THSD7A: variants seen among roughly 807,000 people sequenced by gnomAD.
THSD7A encodes thrombospondin type 1 domain containing 7A, also known as thrombospondin type-1 domain-containing protein 7A.
A neutral mutation model predicts 231.3 loss-of-function variants in THSD7A; 96 were observed. That is an observed-to-expected ratio of 0.41 (90% CI 0.35 to 0.49). The LOEUF (loss-of-function observed/expected upper bound fraction) is 0.49. THSD7A is among the 20% of genes least tolerant of loss of function. THSD7A has a pLI of 0.05. For synonymous variants in THSD7A, 940 were observed against 743.3 expected (o/e 1.26, Z -4.30); for missense variants, 2,290 against 2,070.2 (o/e 1.11, Z -2.06).
At chr7:11,435,430 T>C (rs113313368) in intron 13 of THSD7A, among the ~76,000 whole-genome samples, 1 of 151,988 alleles carries the variant, frequency 6.6e-6, no homozygotes, top group African/African-American at 2.4e-5. Flanking sequence ...GATTAGAGAG[T>C]TGGAGCTTTG....
intron 1 of THSD7A, among the ~76,000 whole-genome samples, chr7:11,761,602 G>A (rs1011020266): frequency 2.0e-5 from 3 of 152,244 alleles, no homozygotes; most frequent in Admixed American, 2.0e-4. Flanking sequence ...GTGAATGACA[G>A]TTTGTAGTAC....
chr7:11,461,869 T>A (rs537186155), intron 10 of THSD7A, 142 bp downstream of exon 10: 1 of 1,052,484 alleles, frequency 9.5e-7, no homozygotes, highest in African/African-American at 1.6e-5. Context: ...GAGACAAGAA[T>A]GGCAGCTACA....
intron 1 of THSD7A, among the ~76,000 whole-genome samples, chr7:11,809,292 G>C (rs1784470354): frequency 6.6e-6 from 1 of 152,174 alleles, no homozygotes; most frequent in Non-Finnish European, 1.5e-5. Context: ...TTAAAGTGCT[G>C]ACATAAGTCA....
Position 11,446,506 on chromosome 7 carries a change from T to A in THSD7A, c.2801-182A>T, listed in dbSNP as rs540463743. On this transcript the variant is annotated intron_variant, in intron 12 of 27. Coordinates refer to ENST00000423059, the MANE Select transcript of THSD7A (RefSeq NM_015204.3). This position sits in a 1 kb window ranked among gnomAD's most constrained non-coding sequence, Gnocchi z 4.0. ...TTTTCTACATAGGCTCCTGTTGGTATTGGGTGCTTTGCATAGTAAAATTTG... is the reference window on the plus strand; with the variant it reads ...TTTTCTACATAGGCTCCTGTTGGTAATGGGTGCTTTGCATAGTAAAATTTG... Among the ~76,000 whole-genome samples the A allele has an allele frequency of 6.6e-6, 1 of 152,160 alleles. No homozygotes were observed. The highest frequency in any genetic ancestry group is 1.5e-5 in the Non-Finnish European group (1 of 68,018).
At chr7:11,382,444 CT>C (rs1782554603) in intron 24 of THSD7A, 76 bp downstream of exon 24, 2 of 1,218,566 alleles carry the variant, frequency 1.6e-6, no homozygotes, top group African/African-American at 1.5e-5. Flanking sequence ...ACTTTGTTTC[CT>C]TAATTATTTT....
At chr7:11,553,325 A>C (rs1388840600) in intron 4 of THSD7A, among the ~76,000 whole-genome samples, 2 of 152,096 alleles carry the variant, frequency 1.3e-5, no homozygotes, top group African/African-American at 4.8e-5. Context: ...GTTTTCTTGA[A>C]ATAGAGTACA....
Position 11,593,338 on chromosome 7 carries a change from G to T in THSD7A, c.1187C>A (p.Pro396His), listed in dbSNP as rs768763179. 6.2e-7 allele frequency: 1 copy of T among 1,613,874 alleles called. No individual in the cohort carries two copies. The highest frequency in any genetic ancestry group is 8.5e-7 in the Non-Finnish European group (1 of 1,179,902). ...TGGACACTCCTTTTCACTGCCAATGGGAAACTGCCTGATGGTTCGTGTCCT... is the reference window on the plus strand; with the variant it reads ...TGGACACTCCTTTTCACTGCCAATGTGAAACTGCCTGATGGTTCGTGTCCT... Reference protein sequence around the residue: ...RVRTRTIRQFPIGSEKECPEF... With the variant: ...RVRTRTIRQFHIGSEKECPEF... Residue 396 changes from proline to histidine, a missense_variant, in exon 3 of 28, where the codon CCC becomes CAC. By Grantham distance (77) the Pro-to-His change is moderately conservative. Coordinates refer to ENST00000423059, the MANE Select transcript of THSD7A (RefSeq NM_015204.3).
intron 1 of THSD7A, among the ~76,000 whole-genome samples, chr7:11,735,506 T>C (rs1781885688): frequency 6.6e-6 from 1 of 151,932 alleles, no homozygotes; most frequent in African/African-American, 2.4e-5. Context: ...ATATGAAACA[T>C]AAATAATTTT....
chr7:11,460,749 A>C lies in THSD7A; in HGVS notation c.2518T>G (p.Trp840Gly). The C allele has an allele frequency of 6.2e-7, 1 of 1,612,102 alleles. No individual in the cohort carries two copies. Among genetic ancestry groups the C allele is most frequent in the South Asian group, 1.1e-5 (1 of 90,552 alleles). ...CAAGGGACTAATTGGCATCTGCGCC[A>C]TTTGTGAGTCTTCCACCTACAAGAC... is the stretch of plus-strand genomic sequence containing the variant. ...CQSYRWKTHK[W>G]RRCQLVPWSV... The change falls in exon 11 of 28, where the codon TGG (tryptophan) becomes GGG (glycine). Residue 840 changes from tryptophan to glycine, a missense_variant. Trp to Gly is a radical substitution (Grantham distance 184). Transcript: ENST00000423059.
At chr7:11,812,497 G>T (rs1315842869) in intron 1 of THSD7A, among the ~76,000 whole-genome samples, 2 of 152,112 alleles carry the variant, frequency 1.3e-5, no homozygotes, top group East Asian at 3.9e-4. Context: ...CAAAAGTGAA[G>T]GAAACTGTAA....
chr7:11,665,017 C>A (rs781139242), intron 1 of THSD7A, among the ~76,000 whole-genome samples: 2 of 151,988 alleles, frequency 1.3e-5, no homozygotes, highest in Non-Finnish European at 2.9e-5. Context: ...CAGGAGATAT[C>A]GATACCAATT....
intron 23 of THSD7A, among the ~76,000 whole-genome samples, chr7:11,382,979 T>A (rs999949060): frequency 6.6e-6 from 1 of 151,454 alleles, no homozygotes; most frequent in African/African-American, 2.4e-5. Context: ...TATTTATCCA[T>A]ATTTGCCTCA....
At chr7:11,565,759 A>C (rs1790286242) in intron 4 of THSD7A, among the ~76,000 whole-genome samples, 1 of 152,284 alleles carries the variant, frequency 6.6e-6, no homozygotes, top group East Asian at 1.9e-4. Context: ...ACTGCTTTTT[A>C]GTTGATCAGA....
chr7:11,687,963 TGTTA>T (rs770903597), intron 1 of THSD7A, among the ~76,000 whole-genome samples: 8 of 151,704 alleles, frequency 5.3e-5, no homozygotes, highest in Non-Finnish European at 1.0e-4. Flanking sequence ...ACAATGTGCA[TGTTA>T]GTTACATATG....
intron 1 of THSD7A, among the ~76,000 whole-genome samples, chr7:11,799,817 G>A (rs1784227875): frequency 6.6e-6 from 1 of 152,178 alleles, no homozygotes; most frequent in African/African-American, 2.4e-5. Flanking sequence ...TGTTATATGA[G>A]AAGACATTAC....
chr7:11,660,439 C>G (rs1782886446), intron 1 of THSD7A, among the ~76,000 whole-genome samples: 1 of 151,264 alleles, frequency 6.6e-6, no homozygotes, highest in Non-Finnish European at 1.5e-5. Flanking sequence ...TAATATAGGG[C>G]CTTACATGAT....
chr7:11,693,355 T>A (rs62433368), intron 1 of THSD7A, among the ~76,000 whole-genome samples: 3,577 of 151,620 alleles, frequency 0.024, 66 homozygotes, highest in Middle Eastern at 0.051. Flanking sequence ...CTTCACAGAA[T>A]ACATCTATTA....
chr7:11,796,012 C>A (rs1362597062), intron 1 of THSD7A, among the ~76,000 whole-genome samples: 1 of 131,362 alleles, frequency 7.6e-6, no homozygotes, highest in Non-Finnish European at 1.6e-5. Flanking sequence ...ATTTTTGGTA[C>A]TTCTTTGAAA....
chr7:11,400,096 G>C (rs1783343965), intron 23 of THSD7A, among the ~76,000 whole-genome samples: 1 of 148,768 alleles, frequency 6.7e-6, no homozygotes, highest in Non-Finnish European at 1.5e-5. Context: ...TCACTCATAG[G>C]TGGGAATTGA....
Sources: gnomAD v4.1 joint callset for allele counts (sites outside exome capture counted in the v4.1 genomes callset) on GRCh38, gnomAD v4.1.1 for gene constraint, Gnocchi (gnomAD v3.1) non-coding constraint, MANE v1.5 for transcripts, NCBI Gene and HGNC (gene_info 2026-07-23, HGNC 2026-07-21) for gene names.